Variants in SPMIP7 observed in about 807,000 individuals in gnomAD.
SPMIP7 encodes the protein sperm microtubule inner protein 7, also known as protein SPMIP7.
At chr7:50,127,751 A>G in the SPMIP7 span, among the ~76,000 whole-genome samples, 1 of 151,766 alleles carries the variant, frequency 6.6e-6, no homozygotes, top group African/African-American at 2.4e-5. Flanking sequence ...TGCACATCAA[A>G]ACCACAGTGA....
At chr7:50,132,149 G>A in the SPMIP7 span, among the ~76,000 whole-genome samples, 1 of 152,084 alleles carries the variant, frequency 6.6e-6, no homozygotes, top group Non-Finnish European at 1.5e-5. Flanking sequence ...AAAAAGTCTT[G>A]TTCATCAGCC....
At chr7:50,121,545 T>C in the SPMIP7 span, among the ~76,000 whole-genome samples, 1 of 152,208 alleles carries the variant, frequency 6.6e-6, no homozygotes, top group Non-Finnish European at 1.5e-5. Context: ...CCTGCCCACA[T>C]TTTGTAGTGG....
chr7:50,106,432 G>A, the SPMIP7 span, among the ~76,000 whole-genome samples: 12 of 152,208 alleles, frequency 7.9e-5, no homozygotes, highest in Admixed American at 3.9e-4. Context: ...CACTTGAACA[G>A]ACTGCAGCCT....
chr7:50,115,395 G>C, the SPMIP7 span, among the ~76,000 whole-genome samples: 1 of 151,888 alleles, frequency 6.6e-6, no homozygotes, highest in African/African-American at 2.4e-5. Context: ...TTATAGGAAA[G>C]GTAGACAGAA....
At chr7:50,113,812 C>G in the SPMIP7 span, among the ~76,000 whole-genome samples, 1 of 151,552 alleles carries the variant, frequency 6.6e-6, no homozygotes, top group Non-Finnish European at 1.5e-5. Context: ...TCTGAAGACA[C>G]AAGATGTTCA....
the SPMIP7 span, among the ~76,000 whole-genome samples, chr7:50,114,145 G>C: frequency 1.3e-5 from 2 of 152,102 alleles, no homozygotes; most frequent in Admixed American, 1.3e-4. Flanking sequence ...CAGTAGACCT[G>C]AAGGAATTTC....
At chr7:50,110,472 T>C in the SPMIP7 span, among the ~76,000 whole-genome samples, 146 of 146,674 alleles carry the variant, frequency 1.0e-3, no homozygotes, top group African/African-American at 3.6e-3. Flanking sequence ...GTGATATATA[T>C]TTTTATATAT....
At chr7:50,145,574 A>C in the SPMIP7 span, among the ~76,000 whole-genome samples, 1 of 130,212 alleles carries the variant, frequency 7.7e-6, no homozygotes, top group Non-Finnish European at 1.6e-5. Flanking sequence ...ATATATGTAT[A>C]TATATATATG....
the SPMIP7 span, among the ~76,000 whole-genome samples, chr7:50,109,981 T>C: frequency 1.3e-5 from 2 of 152,150 alleles, no homozygotes; most frequent in Non-Finnish European, 2.9e-5. Context: ...GTAAAAGAAC[T>C]GATAAATAAA....
chr7:50,120,484 G>C, the SPMIP7 span: 1 of 151,956 alleles, frequency 6.6e-6, no homozygotes, highest in Non-Finnish European at 1.5e-5. Context: ...CTTATGTTGG[G>C]GTCTTGCCCA....
the SPMIP7 span, among the ~76,000 whole-genome samples, chr7:50,127,245 C>T: frequency 6.6e-6 from 1 of 151,976 alleles, no homozygotes; most frequent in Non-Finnish European, 1.5e-5. Flanking sequence ...TCACCATACA[C>T]AAAAATCAAG....
chr7:50,134,156 T>G, the SPMIP7 span: 1 of 1,550,820 alleles, frequency 6.4e-7, no homozygotes, highest in Non-Finnish European at 8.7e-7. Context: ...CAAAACTTGT[T>G]CCAGAAGAAA....
At chr7:50,135,803 G>A in the SPMIP7 span, among the ~76,000 whole-genome samples, 1 of 152,144 alleles carries the variant, frequency 6.6e-6, no homozygotes, top group Non-Finnish European at 1.5e-5. Flanking sequence ...CAGTAGCTAA[G>A]GATGAAAACT....
chr7:50,154,092 T>G, the SPMIP7 span, among the ~76,000 whole-genome samples: 7 of 152,314 alleles, frequency 4.6e-5, no homozygotes, highest in African/African-American at 1.7e-4. Context: ...GTCTCAATAT[T>G]TGCATGTATT....
At chr7:50,103,651 C>G in the SPMIP7 span, among the ~76,000 whole-genome samples, 685 of 152,222 alleles carry the variant, frequency 4.5e-3, 2 homozygotes, top group Non-Finnish European at 8.4e-3. Flanking sequence ...CTTTTTCATC[C>G]AAGTTCTACT....
the SPMIP7 span, among the ~76,000 whole-genome samples, chr7:50,119,433 G>A: frequency 2.0e-5 from 3 of 151,954 alleles, no homozygotes; most frequent in Admixed American, 6.6e-5. Context: ...CATCCTAATC[G>A]TTCCCTTTCT....
chr7:50,155,944 C>T, the SPMIP7 span, among the ~76,000 whole-genome samples: 7 of 119,470 alleles, frequency 5.9e-5, no homozygotes, highest in East Asian at 1.7e-3. Context: ...AGATAACTCT[C>T]TAGAAAAAGT....
the SPMIP7 span, among the ~76,000 whole-genome samples, chr7:50,133,940 A>T: frequency 6.6e-6 from 1 of 151,978 alleles, no homozygotes; most frequent in Non-Finnish European, 1.5e-5. Flanking sequence ...CATCATAATC[A>T]CTTGCTCTGC....
chr7:50,148,748 G>A, the SPMIP7 span, among the ~76,000 whole-genome samples: 1 of 152,212 alleles, frequency 6.6e-6, no homozygotes, highest in Admixed American at 6.5e-5. Context: ...GCTTGACAAT[G>A]TGGCTGTAAA....
Sources: gnomAD v4.1 joint callset for allele counts (sites outside exome capture counted in the v4.1 genomes callset) on GRCh38, gnomAD v4.1.1 for gene constraint, MANE v1.5 for transcripts, NCBI Gene and HGNC (gene_info 2026-07-23, HGNC 2026-07-21) for gene names.